Variants in NICOL1 observed in about 807,000 individuals in gnomAD.
NICOL1 encodes the protein NELL2-interacting cell ontogeny regulator 1.
the NICOL1 span, among the ~76,000 whole-genome samples, chr4:2,039,520 G>T: frequency 6.6e-6 from 1 of 152,136 alleles, no homozygotes; most frequent in Admixed American, 6.5e-5. Context: ...AAAATTGCTT[G>T]CTAGAAATTA....
chr4:2,041,935 C>G, the NICOL1 span: 2 of 1,442,242 alleles, frequency 1.4e-6, no homozygotes, highest in Non-Finnish European at 1.8e-6. Flanking sequence ...CCAGCGCAGT[C>G]TCGGGTTTCC....
At chr4:2,037,182 T>C in the NICOL1 span, among the ~76,000 whole-genome samples, 1 of 152,230 alleles carries the variant, frequency 6.6e-6, no homozygotes, top group South Asian at 2.1e-4. Flanking sequence ...TCTGCCATGA[T>C]TGTAAGTTTC....
chr4:2,043,145 C>G, the NICOL1 span, among the ~76,000 whole-genome samples: 1 of 152,178 alleles, frequency 6.6e-6, no homozygotes, highest in African/African-American at 2.4e-5. Context: ...ACTGTCAGCC[C>G]AATCCAGGAT....
the NICOL1 span, chr4:2,043,903 G>A: frequency 6.5e-7 from 1 of 1,549,336 alleles, no homozygotes; most frequent in Non-Finnish European, 8.7e-7. Flanking sequence ...TGCCCTGTGT[G>A]CCTGCTGGCC....
the NICOL1 span, among the ~76,000 whole-genome samples, chr4:2,041,458 C>T: frequency 2.0e-5 from 3 of 152,102 alleles, no homozygotes; most frequent in South Asian, 4.1e-4. Context: ...GAGAGGAGGA[C>T]CCTGGGTTGG....
chr4:2,043,270 A>T, the NICOL1 span, among the ~76,000 whole-genome samples: 2 of 152,106 alleles, frequency 1.3e-5, no homozygotes, highest in African/African-American at 4.8e-5. Context: ...TCCTGGGTGG[A>T]TGCACAGGTT....
Sources: gnomAD v4.1 joint callset for allele counts (sites outside exome capture counted in the v4.1 genomes callset) on GRCh38, gnomAD v4.1.1 for gene constraint, MANE v1.5 for transcripts, NCBI Gene and HGNC (gene_info 2026-07-23, HGNC 2026-07-21) for gene names.